The following PIK3CB variants were observed in gnomAD, a reference collection of about 807,000 sequenced individuals.
PIK3CB encodes phosphatidylinositol 4,5-bisphosphate 3-kinase catalytic subunit beta isoform.
A neutral mutation model predicts 136.8 loss-of-function variants in PIK3CB; 39 were observed. That is an observed-to-expected ratio of 0.29 (90% CI 0.22 to 0.37). The LOEUF (loss-of-function observed/expected upper bound fraction) is 0.37, where lower values mean the gene tolerates loss of function less well. Among genes scored for constraint, PIK3CB ranks in the 10% least tolerant of loss-of-function variants. The pLI is 1.00. For missense variants in PIK3CB, 868 were observed against 1,275.4 expected (o/e 0.68, Z 4.87); for synonymous variants, 428 against 436.6 (o/e 0.98, Z 0.25).
intron 19 of PIK3CB, among the ~76,000 whole-genome samples, chr3:138,667,078 G>A (rs1027621510): frequency 6.6e-6 from 1 of 151,888 alleles, no homozygotes; most frequent in South Asian, 2.1e-4. Context: ...ACGTGGTGGT[G>A]TGCTCCTATA....
chr3:138,822,713 C>T (rs956730328), intron 1 of PIK3CB, among the ~76,000 whole-genome samples: 14 of 151,216 alleles, frequency 9.3e-5, no homozygotes, highest in African/African-American at 2.4e-4. Flanking sequence ...GTGTGGCATG[C>T]GCCTATAATC....
At chr3:138,724,929 A>C (rs1044578405) in intron 8 of PIK3CB, among the ~76,000 whole-genome samples, 7 of 152,214 alleles carry the variant, frequency 4.6e-5, no homozygotes, top group Non-Finnish European at 2.9e-5. Flanking sequence ...AGTTACGTTA[A>C]AATGTATTCA....
At chr3:138,779,187 G>A (rs950117419) in intron 2 of PIK3CB, among the ~76,000 whole-genome samples, 7 of 150,222 alleles carry the variant, frequency 4.7e-5, no homozygotes, top group Non-Finnish European at 8.8e-5. Flanking sequence ...CTGGGTGCAC[G>A]CCATTCTCCT....
At chr3:138,670,726 A>G (rs2043516133) in intron 19 of PIK3CB, among the ~76,000 whole-genome samples, 2 of 152,222 alleles carry the variant, frequency 1.3e-5, no homozygotes, top group Non-Finnish European at 2.9e-5. Flanking sequence ...TTGAAAAACT[A>G]GCTACCTATT....
intron 5 of PIK3CB, among the ~76,000 whole-genome samples, chr3:138,738,888 C>G (rs779036878): frequency 6.6e-6 from 1 of 152,180 alleles, no homozygotes; most frequent in African/African-American, 2.4e-5. Flanking sequence ...AAATAAATCA[C>G]TCCCCTGAAT....
intron 8 of PIK3CB, among the ~76,000 whole-genome samples, chr3:138,726,285 T>C (rs1328122427): frequency 2.0e-5 from 3 of 152,242 alleles, no homozygotes; most frequent in Non-Finnish European, 4.4e-5. Context: ...CTCTGCAATG[T>C]TCCAAGTATT....
chr3:138,691,629 G>A (rs72988878), intron 14 of PIK3CB, among the ~76,000 whole-genome samples: 5,703 of 152,052 alleles, frequency 0.038, 367 homozygotes, highest in African/African-American at 0.13. Flanking sequence ...CTTCTCCTTC[G>A]CCTTCTACCA....
chr3:138,826,927 G>C (rs1021841425), intron 1 of PIK3CB, among the ~76,000 whole-genome samples: 3 of 152,084 alleles, frequency 2.0e-5, no homozygotes, highest in African/African-American at 7.2e-5. Flanking sequence ...AAATTAGCTG[G>C]GCGTGGTTGT....
intron 5 of PIK3CB, among the ~76,000 whole-genome samples, chr3:138,738,179 T>G (rs1200969150): frequency 6.8e-6 from 1 of 146,920 alleles, no homozygotes; most frequent in Non-Finnish European, 1.5e-5. Flanking sequence ...ACATCTCATC[T>G]TTTTTTTTTT....
At chr3:138,665,267 A>AT (rs2043384590) in intron 19 of PIK3CB, 64 bp from the exon 20 acceptor site, 5 of 1,257,260 alleles carry the variant, frequency 4.0e-6, no homozygotes. Context: ...ATTTGGTAAG[A>AT]TTTTCCCTTT....
chr3:138,710,573 A>G (rs1226057779), intron 10 of PIK3CB, among the ~76,000 whole-genome samples: 1 of 152,250 alleles, frequency 6.6e-6, no homozygotes, highest in Non-Finnish European at 1.5e-5. Context: ...AAAGCAGTAT[A>G]GACCAATGGG....
At chr3:138,793,321 C>A (rs536542941) in intron 2 of PIK3CB, among the ~76,000 whole-genome samples, 57 of 152,212 alleles carry the variant, frequency 3.7e-4, no homozygotes, top group African/African-American at 1.3e-3. Flanking sequence ...TAAGTTTAAA[C>A]CTCGCTGGGC....
chr3:138,677,494 G>C lies in PIK3CB; in HGVS notation c.2504+4473C>G, dbSNP rs530633554. ...AATTCTAGTAAAAATTCACTGTAAC[G>C]AATAATATAAGGAGTTGTTAAATAT... On this transcript the variant is annotated intron_variant, in intron 19 of 23. Transcript: ENST00000674063. Among the ~76,000 whole-genome samples, 39 of 152,282 alleles carry C rather than the reference G, an allele frequency of 2.6e-4. No individual in the cohort carries two copies. The South Asian group carries it at 2.7e-3, about 11-fold the overall frequency.
chr3:138,697,794 T>C (rs1329468196), intron 13 of PIK3CB, among the ~76,000 whole-genome samples: 2 of 152,086 alleles, frequency 1.3e-5, no homozygotes, highest in African/African-American at 2.4e-5. Flanking sequence ...TAGAGTGCAA[T>C]GGCATTTGGT....
intron 12 of PIK3CB, among the ~76,000 whole-genome samples, chr3:138,701,784 C>CAAAAAA (rs560982900): frequency 1.3e-4 from 7 of 54,568 alleles, no homozygotes; most frequent in East Asian, 5.8e-4. Flanking sequence ...GACTCTGTCT[C>CAAAAAA]AAAAAAAAAA....
At chr3:138,716,564 G>A (rs373083027) in intron 8 of PIK3CB, among the ~76,000 whole-genome samples, 5 of 151,950 alleles carry the variant, frequency 3.3e-5, no homozygotes, top group South Asian at 2.1e-4. Context: ...ACAGTATAAC[G>A]CAACATACCA....
chr3:138,726,829 C>T lies in PIK3CB; in HGVS notation c.1050+6532G>A, dbSNP rs184016613. On this transcript the variant is annotated intron_variant, in intron 8 of 23. Transcript: ENST00000674063. ...GGCTGAGGCAGAAGGATCACTTGAG[C>T]GGAGGAGTTCAAGGCCAACCTGGAC... Among the ~76,000 whole-genome samples the T allele has an allele frequency of 5.1e-4, 77 of 150,916 alleles. 1 individual carries two copies. The highest frequency in any genetic ancestry group is 6.8e-3 in the Middle Eastern group (2 of 294).
At chr3:138,719,591 A>G (rs569241926) in intron 8 of PIK3CB, among the ~76,000 whole-genome samples, 4 of 152,296 alleles carry the variant, frequency 2.6e-5, no homozygotes, top group African/African-American at 9.6e-5. Context: ...AAGTGAAGGC[A>G]TATTAAGACA....
intron 2 of PIK3CB, among the ~76,000 whole-genome samples, chr3:138,759,974 T>A (rs900242491): frequency 2.6e-5 from 4 of 151,990 alleles, no homozygotes; most frequent in Non-Finnish European, 4.4e-5. Context: ...TAGGCTGGAA[T>A]GCAGTAGTGA....
Sources: allele counts gnomAD v4.1 joint callset (sites outside exome capture counted in the v4.1 genomes callset), GRCh38; gene constraint gnomAD v4.1.1; transcripts MANE v1.5; gene names NCBI Gene and HGNC (gene_info 2026-07-23, HGNC 2026-07-21).